LRRIQ1: variants seen among roughly 807,000 people sequenced by gnomAD.
LRRIQ1 encodes leucine-rich repeat- and IQ domain-containing protein 1.
LRRIQ1 carries 210 observed loss-of-function variants against 211.9 expected under a neutral mutation model. The observed-to-expected ratio is 0.99, with a 90% CI of 0.89 to 1.11. The LOEUF is 1.11. Among genes scored for constraint, LRRIQ1 ranks in the 50% most tolerant of loss-of-function variants. The pLI, the probability that LRRIQ1 is intolerant of heterozygous loss-of-function variation, is 0.00. For missense variants in LRRIQ1, 2,136 were observed against 1,939.5 expected, an observed-to-expected ratio of 1.10 and a Z score of -1.90; for synonymous variants, 699 against 650.1, an observed-to-expected ratio of 1.08 and a Z score of -1.14.
rs1895643775 is a variant in LRRIQ1, at chr12:85,244,842, T to A, written c.5070T>A (p.Asn1690Lys). The A allele has an allele frequency of 6.2e-7, 1 of 1,610,078 alleles. No individual in the cohort carries two copies. Among genetic ancestry groups the A allele is most frequent in the Non-Finnish European group, 8.5e-7 (1 of 1,177,692 alleles). Residue 1690 changes from asparagine (N) to lysine (K), a missense_variant, in exon 27 of 27, where the codon AAT (asparagine) becomes AAA (lysine). Transcript: ENST00000393217. ...DTDLDLFSMT[N>K]GSALSVNREK... ...ATTTAGACCTTTTTTCCATGACCAA[T>A]GGAAGTGCTTTGTCTGTGAACAGAG...
In LRRIQ1 at chr12:85,175,656, T is replaced by G. The variant is rs1186730814; in HGVS notation, c.4822+14942T>G. On this transcript the variant is annotated intron_variant, in intron 24 of 26. Coordinates refer to ENST00000393217, the MANE Select transcript of LRRIQ1 (RefSeq NM_001079910.2). ...GGTTTTAGGTCTAATGTTTAAGTCT[T>G]TAATCCATCTTGAATTGATTTTTGT... 5.9e-5 allele frequency among the ~76,000 whole-genome samples: 9 copies of G among 152,276 alleles called. No homozygotes were observed. The South Asian group carries it at 1.7e-3, about 28-fold the overall frequency.
chr12:85,038,135 C>G lies in LRRIQ1; in HGVS notation c.-24-18C>G. ...ATAATTTTTAGTGACATATTAGCCT[C>G]TTCATTTTTTAAAGCAGTTCTGTGC... On this transcript the variant is annotated intron_variant, in intron 1 of 26. Transcript: ENST00000393217. The G allele has an allele frequency of 2.9e-6, 4 of 1,402,304 alleles. No individual in the cohort carries two copies. The highest frequency in any genetic ancestry group is 3.7e-6 in the Non-Finnish European group (4 of 1,068,076). The allele number at this position is 1,402,304 out of a possible 1,614,324, so 86.9% of individuals were successfully genotyped here. A position where few individuals can be genotyped will look rare whatever the true frequency, so the allele number is the denominator to read the frequency against.
chr12:85,105,889 C>T (rs535056387), intron 14 of LRRIQ1, among the ~76,000 whole-genome samples: 12 of 150,966 alleles, frequency 7.9e-5, no homozygotes, highest in Admixed American at 1.3e-4. Flanking sequence ...CTCCATCTCC[C>T]GGGTTCAAGT....
intron 24 of LRRIQ1, among the ~76,000 whole-genome samples, chr12:85,200,866 C>T (rs1893253939): frequency 6.6e-6 from 1 of 151,958 alleles, no homozygotes; most frequent in African/African-American, 2.4e-5. Flanking sequence ...GTCACCCAGG[C>T]TGCAGTGCAG....
At chr12:85,226,363 G>A (rs1894651845) in intron 24 of LRRIQ1, among the ~76,000 whole-genome samples, 1 of 152,090 alleles carries the variant, frequency 6.6e-6, no homozygotes, top group African/African-American at 2.4e-5. Context: ...AGTCATCACT[G>A]TTTTCTGTCA....
intron 24 of LRRIQ1, among the ~76,000 whole-genome samples, chr12:85,228,472 G>A (rs984982118): frequency 2.6e-5 from 4 of 152,108 alleles, no homozygotes; most frequent in Non-Finnish European, 2.9e-5. Context: ...ACATAAGGTC[G>A]CATAAGAAGC....
intron 8 of LRRIQ1, among the ~76,000 whole-genome samples, chr12:85,062,572 T>C (rs1317164298): frequency 1.4e-5 from 2 of 142,150 alleles, no homozygotes; most frequent in East Asian, 2.0e-4. Flanking sequence ...ATATATGTAC[T>C]ACTTTTTTTT....
At position 85,124,311 on chromosome 12, in the gene LRRIQ1, T is replaced by C. The variant is rs1041755655; in HGVS notation, c.3799T>C (p.Trp1267Arg). ...AGACTCACCAGATATTCCTGAGAAA[T>C]GGATGGACTCTGTCTCCAGCCACTC... ...EPDSPDIPEK[W>R]MDSVSSHSPL... The change falls in exon 17 of 27, where the codon TGG becomes CGG. Residue 1267 changes from tryptophan to arginine, a missense_variant. Coordinates refer to ENST00000393217, the MANE Select transcript of LRRIQ1 (RefSeq NM_001079910.2). The C allele has an allele frequency of 1.2e-6, 2 of 1,613,898 alleles. No individual in the cohort carries two copies. The highest frequency in any genetic ancestry group is 1.7e-6 in the Non-Finnish European group (2 of 1,180,034).
At chr12:85,092,653 C>T (rs530984060) in intron 11 of LRRIQ1, among the ~76,000 whole-genome samples, 2 of 152,266 alleles carry the variant, frequency 1.3e-5, no homozygotes, top group South Asian at 4.1e-4. Context: ...TGGCATCTGG[C>T]TATACAATGA....
chr12:85,171,602 G>A (rs879351928), intron 24 of LRRIQ1, among the ~76,000 whole-genome samples: 38 of 152,292 alleles, frequency 2.5e-4, no homozygotes, highest in Non-Finnish European at 4.0e-4. Context: ...TGTGGACTGA[G>A]TTGTGTCCTT....
chr12:85,094,293 A>G (rs1885670321), intron 11 of LRRIQ1, among the ~76,000 whole-genome samples: 1 of 152,172 alleles, frequency 6.6e-6, no homozygotes, highest in Admixed American at 6.6e-5. Flanking sequence ...CAGGGCTCCC[A>G]CTGATTCTAC....
rs1368832645 is a variant in LRRIQ1, at chr12:85,075,327, C to G, written c.2887+2229C>G. ...AGGTGTATTAGGCCATTTATGCCTT[C>G]CTATAAAGAAATACCCAAGACTAGG... On this transcript the variant is annotated intron_variant, in intron 11 of 26. Coordinates refer to ENST00000393217, the MANE Select transcript of LRRIQ1 (RefSeq NM_001079910.2). Among the ~76,000 whole-genome samples the G allele has an allele frequency of 2.0e-5, 3 of 151,906 alleles. No individual in the cohort carries two copies. The East Asian group carries it at 5.8e-4, about 29-fold the overall frequency.
chr12:85,258,522 T>C (rs987123281), intron 1 of LRRIQ1, among the ~76,000 whole-genome samples: 1 of 151,922 alleles, frequency 6.6e-6, no homozygotes, highest in Non-Finnish European at 1.5e-5. Context: ...TTAGACTTTA[T>C]CTACTTAAAG....
chr12:85,098,580 T>C (rs750807103), intron 12 of LRRIQ1, 32 bp downstream of exon 12: 1 of 1,515,386 alleles, frequency 6.6e-7, no homozygotes, highest in South Asian at 1.2e-5. Context: ...ATTTCTGTGA[T>C]AAAGCAACAC....
chr12:85,087,603 CTGT>C (rs1393279135), intron 11 of LRRIQ1, among the ~76,000 whole-genome samples: 1 of 152,158 alleles, frequency 6.6e-6, no homozygotes. Flanking sequence ...TCTCCAGCAC[CTGT>C]TGTTTCCTGA....
At chr12:85,108,138 A>C (rs1015471605) in intron 15 of LRRIQ1, among the ~76,000 whole-genome samples, 1 of 151,902 alleles carries the variant, frequency 6.6e-6, no homozygotes, top group Admixed American at 6.6e-5. Flanking sequence ...GCTTAATTTC[A>C]TTGTATTACT....
At chr12:85,180,655 T>C (rs1891936441) in intron 24 of LRRIQ1, among the ~76,000 whole-genome samples, 1 of 151,856 alleles carries the variant, frequency 6.6e-6, no homozygotes, top group African/African-American at 2.4e-5. Flanking sequence ...AATGCATAAC[T>C]CACAGAGTTG....
At chr12:85,237,574 C>T (rs1895249229) in intron 26 of LRRIQ1, among the ~76,000 whole-genome samples, 2 of 152,032 alleles carry the variant, frequency 1.3e-5, no homozygotes, top group Admixed American at 1.3e-4. Flanking sequence ...TGAAAAGAGA[C>T]TCTAGAGACC....
At chr12:85,106,283 C>G (rs1184820578) in intron 14 of LRRIQ1, among the ~76,000 whole-genome samples, 1 of 152,116 alleles carries the variant, frequency 6.6e-6, no homozygotes, top group East Asian at 1.9e-4. Context: ...CAGATATGAA[C>G]CCGAATTGTA....
Sources: allele counts gnomAD v4.1 joint callset (sites outside exome capture counted in the v4.1 genomes callset), GRCh38; gene constraint gnomAD v4.1.1; transcripts MANE v1.5; gene names NCBI Gene and HGNC (gene_info 2026-07-23, HGNC 2026-07-21).